MXRA7: variants seen among roughly 807,000 people sequenced by gnomAD.
The protein encoded by MXRA7 is matrix-remodeling-associated protein 7.
In MXRA7, 18 loss-of-function variants were observed where a neutral mutation model predicts 17.4. The ratio of observed to expected loss-of-function variants is 1.03; its 90% CI spans 0.71 to 1.53. The LOEUF (loss-of-function observed/expected upper bound fraction) is 1.53, where lower values mean the gene tolerates loss of function less well. Among genes scored for constraint, MXRA7 ranks in the 40% most tolerant of loss-of-function variants. The pLI is 0.00. For synonymous variants in MXRA7, 70 were observed against 101.7 expected (o/e 0.69, Z 1.87); for missense variants, 141 against 209.3 (o/e 0.67, Z 2.01).
chr17:76,688,009 T>TCCC, intron 2 of MXRA7, 104 bp downstream of exon 2: 3 of 572,784 alleles, frequency 5.2e-6, no homozygotes, highest in Non-Finnish European at 6.5e-6. Context: ...TCCCACCCCA[T>TCCC]CCCTCCCCTC....
At chr17:76,704,781 CAAAAA>C (rs34446989) in intron 1 of MXRA7, among the ~76,000 whole-genome samples, 1 of 92,894 alleles carries the variant, frequency 1.1e-5, no homozygotes, top group African/African-American at 4.4e-5. Flanking sequence ...AACTCCGTCT[CAAAAA>C]AAAAAAAAAA....
chr17:76,702,239 A>T (rs902293305), intron 1 of MXRA7, among the ~76,000 whole-genome samples: 2 of 152,216 alleles, frequency 1.3e-5, no homozygotes, highest in African/African-American at 4.8e-5. Context: ...GGGCACAGCA[A>T]TTCACATCTG....
At chr17:76,699,576 C>T (rs898959558) in intron 1 of MXRA7, among the ~76,000 whole-genome samples, 2 of 152,236 alleles carry the variant, frequency 1.3e-5, no homozygotes, top group African/African-American at 4.8e-5. Context: ...AGTTCTACTT[C>T]CAGATTCTCC....
At chr17:76,672,764 T>C (rs1040163479) in exon 4 of MXRA7, 4 of 152,124 alleles carry the variant, frequency 2.6e-5, no homozygotes, top group African/African-American at 9.7e-5. Flanking sequence ...ATGATGTATA[T>C]TGGCTGCTAC....
At chr17:76,677,863 A>G (rs955576255), downstream of MXRA7, among the ~76,000 whole-genome samples, 4 of 152,214 alleles carry the variant, frequency 2.6e-5, no homozygotes, top group Non-Finnish European at 4.4e-5. Context: ...CACTTAGAAC[A>G]TCGGAGCTGG....
chr17:76,683,565 C>G (rs1191265162), intron 3 of MXRA7, among the ~76,000 whole-genome samples: 3 of 152,208 alleles, frequency 2.0e-5, no homozygotes, highest in Non-Finnish European at 2.9e-5. Context: ...GTTCCCCCAG[C>G]CTTGCGAGGG....
intron 2 of MXRA7, 89 bp downstream of exon 2, chr17:76,688,024 C>G (rs1262531278): frequency 5.8e-6 from 7 of 1,198,448 alleles, no homozygotes; most frequent in Non-Finnish European, 8.5e-6. Context: ...CCCCTCGGCA[C>G]TCGAACCCCA....
intron 1 of MXRA7, among the ~76,000 whole-genome samples, chr17:76,706,774 A>C (rs921628841): frequency 3.3e-5 from 5 of 152,246 alleles, no homozygotes; most frequent in African/African-American, 9.6e-5. Flanking sequence ...GAAATTTCCC[A>C]AAGAAGAATG....
chr17:76,688,071 G>A lies in MXRA7; in HGVS notation c.406+42C>T, dbSNP rs751691274. ...CCCCAGCAGGACACAGACCACCCCC[G>A]ACACTGTCAGGCCCCCTCATGAGCG... On this transcript the variant is annotated intron_variant, in intron 2 of 3. Transcript: ENST00000449428. The A allele has an allele frequency of 2.2e-5, 31 of 1,416,928 alleles. No individual in the cohort carries two copies. In the East Asian group the frequency reaches 6.3e-4, roughly 29 times the overall value. The allele number at this position is 1,416,928 out of a possible 1,614,324, so 87.8% of individuals were successfully genotyped here.
chr17:76,682,159 C>T (rs2076314331), intron 3 of MXRA7, among the ~76,000 whole-genome samples: 2 of 152,206 alleles, frequency 1.3e-5, no homozygotes, highest in African/African-American at 2.4e-5. Context: ...TGCTTCCAGT[C>T]CCACTTCCTA....
rs976726461 is a variant in MXRA7 at position 76,704,165 on chromosome 17, G to C, written c.342+6440C>G. Reference sequence around the variant, plus strand: ...CCCGCAGCAGGGAATAGAATGACTAGAATGACTGCTGCAGCACCCTCCAGC... The same window carrying C: ...CCCGCAGCAGGGAATAGAATGACTACAATGACTGCTGCAGCACCCTCCAGC... On this transcript the variant is annotated intron_variant, in intron 1 of 3. Coordinates refer to ENST00000449428, the MANE Select transcript of MXRA7 (RefSeq NM_198530.4). Among the ~76,000 whole-genome samples, 3 of 148,354 alleles carry C rather than the reference G, an allele frequency of 2.0e-5. No individual in the cohort carries two copies. In the East Asian group the frequency reaches 6.0e-4, roughly 30 times the overall value.
chr17:76,684,940 T>C (rs2076366827), intron 3 of MXRA7, 132 bp downstream of exon 3: 8 of 743,070 alleles, frequency 1.1e-5, no homozygotes, highest in Admixed American at 4.4e-5. Context: ...GGGGCGGTGG[T>C]TGGGCAGAGC....
chr17:76,680,130 C>CT lies in MXRA7; in HGVS notation c.*736dup, dbSNP rs2076281620. The CT allele has an allele frequency of 1.2e-6, 1 of 860,688 alleles. No individual in the cohort carries two copies. The highest frequency in any genetic ancestry group is 1.9e-5 in the African/African-American group (1 of 52,260). 53.3% of individuals were successfully genotyped at this position (860,688 alleles called of 1,614,324 possible). ...TAAGAAAAGGCATAGGTCAAGAAATCTTTTTAAAGCAAACATTATTGCTTC... is the reference window on the plus strand; with the variant it reads ...TAAGAAAAGGCATAGGTCAAGAAATCTTTTTTAAAGCAAACATTATTGCTTC... On this transcript the variant is annotated 3_prime_UTR_variant, in exon 4 of 4. Coordinates refer to ENST00000449428, the MANE Select transcript of MXRA7 (RefSeq NM_198530.4).
downstream of MXRA7, chr17:76,677,572 A>G (rs745972764): frequency 2.5e-6 from 4 of 1,585,694 alleles, no homozygotes; most frequent in Non-Finnish European, 3.4e-6. Flanking sequence ...GCCGCTGTGC[A>G]TCCCGTGGGC....
intron 1 of MXRA7, among the ~76,000 whole-genome samples, chr17:76,690,705 TTTTTA>T (rs940119377): frequency 5.3e-5 from 8 of 151,986 alleles, no homozygotes; most frequent in African/African-American, 9.6e-5. Flanking sequence ...CTTGACACAG[TTTTTA>T]TTTTGTTTGT....
At chr17:76,704,606 G>A (rs1222140161) in intron 1 of MXRA7, among the ~76,000 whole-genome samples, 1 of 150,242 alleles carries the variant, frequency 6.7e-6, no homozygotes, top group South Asian at 2.1e-4. Context: ...CCAACATGGC[G>A]AAACCCCGCC....
chr17:76,676,243 C>T (rs1432283785), downstream of MXRA7: 5 of 152,212 alleles, frequency 3.3e-5, no homozygotes, highest in Admixed American at 3.3e-4. Flanking sequence ...GGCCTCTAAC[C>T]TGCTGGAAGA....
At chr17:76,683,339 G>T (rs1440220009) in intron 3 of MXRA7, among the ~76,000 whole-genome samples, 1 of 152,220 alleles carries the variant, frequency 6.6e-6, no homozygotes, top group African/African-American at 2.4e-5. Flanking sequence ...CGCTGGATTG[G>T]CACAGGCAGG....
chr17:76,700,532 T>G (rs2076578625), intron 1 of MXRA7, among the ~76,000 whole-genome samples: 1 of 152,144 alleles, frequency 6.6e-6, no homozygotes, highest in African/African-American at 2.4e-5. Context: ...CAAGATACCT[T>G]CCTGCTGCCC....
Sources: allele counts gnomAD v4.1 joint callset (sites outside exome capture counted in the v4.1 genomes callset), GRCh38; gene constraint gnomAD v4.1.1; transcripts MANE v1.5; gene names NCBI Gene and HGNC (gene_info 2026-07-23, HGNC 2026-07-21).